The following MIER3 variants were observed in gnomAD, a reference collection of about 807,000 sequenced individuals.
MIER3 encodes the protein MIER family member 3, also known as mesoderm induction early response protein 3.
A neutral mutation model predicts 63.2 loss-of-function variants in MIER3; 9 were observed. That is an observed-to-expected ratio of 0.14 (90% confidence interval 0.09 to 0.25). MIER3 has a LOEUF of 0.25. Among genes scored for constraint, MIER3 ranks in the 10% least tolerant of loss-of-function variants. MIER3 has a pLI of 1.00. For synonymous variants in MIER3, 205 were observed against 224.9 expected, an observed-to-expected ratio of 0.91 and a Z score of 0.79; for missense variants, 512 against 666.2, an observed-to-expected ratio of 0.77 and a Z score of 2.55.
intron 9 of MIER3, chr5:56,929,632 T>C (rs1335140382): frequency 6.6e-6 from 1 of 152,154 alleles, no homozygotes; most frequent in Non-Finnish European, 1.5e-5. Context: ...AATCAACACA[T>C]ATTTATTTGA....
At position 56,947,020 on chromosome 5, in the gene MIER3, A is replaced by G. The variant is rs1405249912; in HGVS notation, c.86T>C (p.Leu29Ser). Reference sequence around the variant, plus strand: ...TCTTTCATCATCATAGTCATGGACCAACATCTCAGCAGTGGGGTCAAAATC... The same window carrying G: ...TCTTTCATCATCATAGTCATGGACCGACATCTCAGCAGTGGGGTCAAAATC... ...DHDFDPTAEM[L>S]VHDYDDERTL... The change falls in exon 3 of 13, where the codon TTG becomes TCG. Residue 29 changes from leucine to serine, a missense_variant. Coordinates refer to ENST00000381199, the MANE Select transcript of MIER3 (RefSeq NM_001297599.2). 1 of 1,610,690 alleles carries G rather than the reference A, an allele frequency of 6.2e-7. No homozygotes were observed. Among genetic ancestry groups the G allele is most frequent in the Non-Finnish European group, 8.5e-7 (1 of 1,178,932 alleles).
At chr5:56,938,195 A>C (rs1040617166) in intron 4 of MIER3, 1 of 465,428 alleles carries the variant, frequency 2.1e-6, no homozygotes, top group Non-Finnish European at 4.5e-6. Context: ...TGCCTAGCAC[A>C]AAGTAGCCAC....
intron 5 of MIER3, among the ~76,000 whole-genome samples, chr5:56,936,132 G>A (rs994605567): frequency 3.3e-5 from 5 of 151,982 alleles, no homozygotes; most frequent in South Asian, 2.1e-4. Flanking sequence ...CAGGAGAATC[G>A]CCTGAACCTG....
In MIER3 at chr5:56,920,060, GTTAAA is replaced by G. The variant is rs1190755047; in HGVS notation, c.*3063_*3067del. On this transcript the variant is annotated 3_prime_UTR_variant, in exon 13 of 13. Coordinates refer to ENST00000381199, the MANE Select transcript of MIER3 (RefSeq NM_001297599.2). ...GTTGAAATATTCACTAGAGACTTTG[GTTAAA>G]TTAAATAGTATCACTATGCTCTATT... 3 of 152,612 alleles carry G rather than the reference GTTAAA, an allele frequency of 2.0e-5. No individual in the cohort carries two copies. The highest frequency in any genetic ancestry group is 2.9e-5 in the Non-Finnish European group (2 of 67,976). The allele number at this position is 152,612 out of a possible 1,614,324, so 9.5% of individuals were successfully genotyped here.
intron 2 of MIER3, among the ~76,000 whole-genome samples, chr5:56,949,865 T>C (rs938192115): frequency 5.9e-5 from 9 of 152,078 alleles, no homozygotes; most frequent in Non-Finnish European, 1.2e-4. Flanking sequence ...AGAAAGGAAA[T>C]GAGAAACTGA....
In MIER3 at chr5:56,933,418, T is replaced by C; in HGVS notation, c.596-20A>G. ...CATATACTGATAAAGAAAATCCCAT[T>C]AACACATTAAAAATCATGAACGCAC... On this transcript the variant is annotated intron_variant, in intron 7 of 12. Transcript: ENST00000381199. 6.3e-7 allele frequency: 1 copy of C among 1,576,418 alleles called. No individual in the cohort carries two copies. Among genetic ancestry groups the C allele is most frequent in the Non-Finnish European group, 8.6e-7 (1 of 1,164,186 alleles).
At chr5:56,951,549 C>T (rs1751030945) in intron 1 of MIER3, among the ~76,000 whole-genome samples, 1 of 152,170 alleles carries the variant, frequency 6.6e-6, no homozygotes, top group African/African-American at 2.4e-5. Context: ...AGCCCGGTGG[C>T]CCCGCATCCC....
At chr5:56,925,319 GTC>G (rs760977128) in intron 10 of MIER3, 8 of 454,232 alleles carry the variant, frequency 1.8e-5, no homozygotes, top group South Asian at 1.3e-4. Context: ...AAATAAAACT[GTC>G]TCTGTTTACA....
intron 3 of MIER3, among the ~76,000 whole-genome samples, chr5:56,940,334 G>A (rs1253999185): frequency 1.3e-5 from 2 of 152,064 alleles, no homozygotes; most frequent in African/African-American, 4.8e-5. Flanking sequence ...AAAATAATCC[G>A]TAAAGCAAAC....
At chr5:56,941,874 ATATT>A (rs1750657890) in intron 3 of MIER3, among the ~76,000 whole-genome samples, 2 of 152,168 alleles carry the variant, frequency 1.3e-5, no homozygotes, top group African/African-American at 4.8e-5. Flanking sequence ...GAGAAGAGAC[ATATT>A]CTGAGGTGGA....
At chr5:56,948,741 CT>C (rs1322718404) in intron 2 of MIER3, among the ~76,000 whole-genome samples, 1 of 152,120 alleles carries the variant, frequency 6.6e-6, no homozygotes, top group Admixed American at 6.6e-5. Context: ...TACAAATTTT[CT>C]TTTTTTGAGG....
chr5:56,937,854 A>G (rs1195589258), intron 4 of MIER3, among the ~76,000 whole-genome samples, 156 bp from the exon 5 acceptor site: 2 of 150,384 alleles, frequency 1.3e-5, no homozygotes, highest in Non-Finnish European at 3.0e-5. Flanking sequence ...ATAAATATTT[A>G]ATATTATATA....
rs1203096587 is a variant in MIER3 at position 56,938,887 on chromosome 5, T to G, written c.311A>C (p.Asp104Ala). The change falls in exon 4 of 13, where the codon GAC becomes GCC. Residue 104 changes from aspartate (D) to alanine (A), a missense_variant. This residue lies in a region of MIER3 where 44 missense variants were observed against 87.6 expected (regional missense o/e 0.50). Transcript: ENST00000381199. Reference protein sequence around the residue: ...LADELPDMTLDKEEIAKDLLS... With the variant: ...LADELPDMTLAKEEIAKDLLS... ...CTTTCAAATGCTCACACTTACTTTG[T>G]CTAGTGTCATGTCTGGTAGTTCATC... 1 of 1,613,836 alleles carries G rather than the reference T, an allele frequency of 6.2e-7. No individual in the cohort carries two copies. Among genetic ancestry groups the G allele is most frequent in the South Asian group, 1.1e-5 (1 of 91,042 alleles).
In MIER3 at chr5:56,947,215, T is replaced by C. The variant is rs1750855833; in HGVS notation, c.35-144A>G. 3 of 782,882 alleles carry C rather than the reference T, an allele frequency of 3.8e-6. No individual in the cohort carries two copies. In the South Asian group the frequency reaches 6.7e-5, roughly 18 times the overall value. The allele number at this position is 782,882 out of a possible 1,614,324, so 48.5% of individuals were successfully genotyped here. Reference sequence around the variant, plus strand: ...AATTTACTATATAATTTATAGGTTATAAATTAAGACCCCATGATTCTGAAA... The same window carrying C: ...AATTTACTATATAATTTATAGGTTACAAATTAAGACCCCATGATTCTGAAA... On this transcript the variant is annotated intron_variant, in intron 2 of 12. Coordinates refer to ENST00000381199, the MANE Select transcript of MIER3 (RefSeq NM_001297599.2).
At chr5:56,924,298 T>C (rs1249960659) in intron 10 of MIER3, among the ~76,000 whole-genome samples, 2 of 152,296 alleles carry the variant, frequency 1.3e-5, no homozygotes, top group Middle Eastern at 3.4e-3. Context: ...ATAAAACAAG[T>C]GTGTATCCAG....
chr5:56,923,052 G>GA lies in MIER3; in HGVS notation c.*75dup. 7.9e-7 allele frequency: 1 copy of GA among 1,263,738 alleles called. No individual in the cohort carries two copies. The highest frequency in any genetic ancestry group is 1.5e-5 in the African/African-American group (1 of 67,176). 78.3% of individuals were successfully genotyped at this position (1,263,738 alleles called of 1,614,324 possible). ...AGTGAGAAAGGTTCAAACTTCCAGTGAAAGACTATGCAAACCTGATAGCTC... is the reference window on the plus strand; with the variant it reads ...AGTGAGAAAGGTTCAAACTTCCAGTGAAAAGACTATGCAAACCTGATAGCTC... On this transcript the variant is annotated 3_prime_UTR_variant, in exon 13 of 13. Coordinates refer to ENST00000381199, the MANE Select transcript of MIER3 (RefSeq NM_001297599.2).
intron 4 of MIER3, 105 bp from the exon 5 acceptor site, chr5:56,937,803 T>C: frequency 1.1e-6 from 1 of 890,002 alleles, no homozygotes; most frequent in Non-Finnish European, 1.5e-6. Flanking sequence ...TGGAACCTTA[T>C]GAGAGAAATA....
At position 56,930,990 on chromosome 5, in the gene MIER3, T is replaced by C. The variant is rs578037297; in HGVS notation, c.748-245A>G. Among the ~76,000 whole-genome samples, 83 of 72,914 alleles carry C rather than the reference T, an allele frequency of 1.1e-3. 1 individual carries two copies. The highest frequency in any genetic ancestry group is 6.4e-3 in the Admixed American group (54 of 8,422). 47.8% of individuals were successfully genotyped at this position (72,914 alleles called of 152,430 possible). Reference sequence around the variant, plus strand: ...TCTCAGAAGTCACCTGCCTGTATCATTCTTGACTTTTTTTTAAAAACAAAC... The same window carrying C: ...TCTCAGAAGTCACCTGCCTGTATCACTCTTGACTTTTTTTTAAAAACAAAC... On this transcript the variant is annotated intron_variant, in intron 8 of 12. Coordinates refer to ENST00000381199, the MANE Select transcript of MIER3 (RefSeq NM_001297599.2).
chr5:56,924,463 T>A (rs1749860424), intron 10 of MIER3, among the ~76,000 whole-genome samples: 2 of 152,196 alleles, frequency 1.3e-5, no homozygotes, highest in African/African-American at 4.8e-5. Context: ...ATCTATTAAT[T>A]CACAAAATTA....
Sources: allele counts gnomAD v4.1 joint callset (sites outside exome capture counted in the v4.1 genomes callset), GRCh38; gene constraint gnomAD v4.1.1; regional missense constraint gnomAD v4.1.1; transcripts MANE v1.5; gene names NCBI Gene and HGNC (gene_info 2026-07-23, HGNC 2026-07-21).